Variants in SFMBT2 observed in about 807,000 individuals in gnomAD.
SFMBT2 encodes scm-like with four MBT domains protein 2.
A neutral mutation model predicts 110.1 loss-of-function variants in SFMBT2; 38 were observed. That is an observed-to-expected ratio of 0.35 (90% CI 0.27 to 0.45). The LOEUF is 0.45. SFMBT2 is among the 20% of genes least tolerant of loss of function. The pLI, the probability that SFMBT2 is intolerant of heterozygous loss-of-function variation, is 1.00. For synonymous variants in SFMBT2, 425 were observed against 425.4 expected (o/e 1.00, Z 0.01); for missense variants, 1,011 against 1,094.9 (o/e 0.92, Z 1.08).
At chr10:7,331,970 A>T (rs1229671124) in intron 4 of SFMBT2, among the ~76,000 whole-genome samples, 1 of 143,530 alleles carries the variant, frequency 7.0e-6, no homozygotes, top group African/African-American at 2.6e-5. Context: ...AGATCATCAC[A>T]CCATTGCACT....
At chr10:7,339,580 T>C (rs1843826390) in intron 4 of SFMBT2, among the ~76,000 whole-genome samples, 1 of 152,234 alleles carries the variant, frequency 6.6e-6, no homozygotes, top group Non-Finnish European at 1.5e-5. Flanking sequence ...TTCAGAGCTG[T>C]GATCTTCATC....
At chr10:7,278,333 C>T (rs1215427868) in intron 6 of SFMBT2, among the ~76,000 whole-genome samples, 2 of 152,148 alleles carry the variant, frequency 1.3e-5, no homozygotes, top group African/African-American at 4.8e-5. Flanking sequence ...CAAAAGTAGG[C>T]ACAGGGACCA....
intron 4 of SFMBT2, among the ~76,000 whole-genome samples, chr10:7,325,095 G>T (rs1258860290): frequency 6.6e-6 from 1 of 151,152 alleles, no homozygotes; most frequent in Non-Finnish European, 1.5e-5. Flanking sequence ...AGCCTCTCGA[G>T]TAGCTGGGAT....
intron 10 of SFMBT2, among the ~76,000 whole-genome samples, chr10:7,226,317 T>C (rs1839894808): frequency 6.6e-6 from 1 of 152,254 alleles, no homozygotes; most frequent in Admixed American, 6.5e-5. Flanking sequence ...CTTCTGTATT[T>C]ACAAGTACCA....
chr10:7,203,785 A>C, intron 12 of SFMBT2: 25 of 365,304 alleles, frequency 6.8e-5, no homozygotes, highest in Non-Finnish European at 8.4e-5. Context: ...GCATGATCTC[A>C]GTTCACTGCA....
At chr10:7,280,988 C>G (rs1841936779) in intron 6 of SFMBT2, among the ~76,000 whole-genome samples, 1 of 152,146 alleles carries the variant, frequency 6.6e-6, no homozygotes. Flanking sequence ...TGCCTGTAAG[C>G]CCAGCACTTT....
chr10:7,189,291 A>G (rs1439068191), intron 15 of SFMBT2: 2 of 553,646 alleles, frequency 3.6e-6, no homozygotes, highest in Non-Finnish European at 4.6e-6. Context: ...TTTAAAAGAG[A>G]GTCTGGAATA....
At chr10:7,392,147 G>A (rs1217278515) in intron 1 of SFMBT2, among the ~76,000 whole-genome samples, 5 of 152,128 alleles carry the variant, frequency 3.3e-5, no homozygotes, top group African/African-American at 1.2e-4. Flanking sequence ...TCTCAAGTCC[G>A]CTAAGCTGGT....
chr10:7,366,546 C>T (rs1844909007), intron 4 of SFMBT2, among the ~76,000 whole-genome samples: 1 of 152,056 alleles, frequency 6.6e-6, no homozygotes, highest in Admixed American at 6.5e-5. Context: ...TTATACGTCA[C>T]TTCAAGATGA....
At position 7,213,915 on chromosome 10, in the gene SFMBT2, G is replaced by A. The variant is rs565681146; in HGVS notation, c.1330+6496C>T. On this transcript the variant is annotated intron_variant, in intron 11 of 20. Transcript: ENST00000397167. The stretch of plus-strand genomic sequence containing the variant: ...CACGCTGGGCACAGATGGCTGAAGA[G>A]CAGGACTGGGGGATTCTAACCTCTA... Among the ~76,000 whole-genome samples, 11 of 152,344 alleles carry A rather than the reference G, an allele frequency of 7.2e-5. No individual in the cohort carries two copies. The East Asian group carries it at 1.2e-3, about 16-fold the overall frequency.
intron 4 of SFMBT2, among the ~76,000 whole-genome samples, chr10:7,324,301 T>C (rs1843302632): frequency 6.6e-6 from 1 of 152,236 alleles, no homozygotes; most frequent in Admixed American, 6.5e-5. Flanking sequence ...CTCCACCGCA[T>C]ATTCAGCTTA....
chr10:7,240,287 C>T (rs1840389636), intron 9 of SFMBT2, among the ~76,000 whole-genome samples: 1 of 152,100 alleles, frequency 6.6e-6, no homozygotes, highest in East Asian at 1.9e-4. Flanking sequence ...CATACGATAC[C>T]TACTGTACCA....
chr10:7,296,363 G>A (rs1402778311), intron 4 of SFMBT2, among the ~76,000 whole-genome samples: 1 of 152,208 alleles, frequency 6.6e-6, no homozygotes, highest in East Asian at 1.9e-4. Context: ...CAGAAAAACT[G>A]TCAAGACTGA....
intron 7 of SFMBT2, among the ~76,000 whole-genome samples, chr10:7,275,173 T>A (rs759049680): frequency 3.3e-5 from 5 of 152,246 alleles, no homozygotes; most frequent in Non-Finnish European, 5.9e-5. Context: ...TTCACTGGCC[T>A]GGCAGCTCCG....
intron 4 of SFMBT2, among the ~76,000 whole-genome samples, chr10:7,309,085 T>C (rs920624042): frequency 4.6e-5 from 7 of 152,128 alleles, no homozygotes; most frequent in African/African-American, 1.4e-4. Context: ...TCCGCGAGGG[T>C]GTTTCCGAAA....
intron 4 of SFMBT2, among the ~76,000 whole-genome samples, chr10:7,310,820 C>T (rs1405821852): frequency 2.0e-5 from 3 of 152,046 alleles, no homozygotes; most frequent in East Asian, 1.9e-4. Context: ...CCAAGGTGGG[C>T]GGATCGCCTG....
intron 2 of SFMBT2, among the ~76,000 whole-genome samples, chr10:7,374,942 G>A (rs1845159952): frequency 6.6e-6 from 1 of 152,180 alleles, no homozygotes. Context: ...TGTTTATGGG[G>A]AGAGGTCTCA....
chr10:7,292,778 AG>A (rs1842297679), intron 4 of SFMBT2, among the ~76,000 whole-genome samples: 1 of 152,188 alleles, frequency 6.6e-6, no homozygotes, highest in East Asian at 1.9e-4. Context: ...GCACTTTAGG[AG>A]GCTGAGGCGG....
intron 20 of SFMBT2, among the ~76,000 whole-genome samples, chr10:7,168,050 A>G (rs868790905): frequency 2.1e-5 from 3 of 144,454 alleles, no homozygotes; most frequent in Non-Finnish European, 4.6e-5. Context: ...CCTGGGTTAC[A>G]AGAGTAAAAC....
Sources: allele counts gnomAD v4.1 joint callset (sites outside exome capture counted in the v4.1 genomes callset), GRCh38; gene constraint gnomAD v4.1.1; transcripts MANE v1.5; gene names NCBI Gene and HGNC (gene_info 2026-07-23, HGNC 2026-07-21).